The following TRHDE variants were observed in gnomAD, a reference collection of about 807,000 sequenced individuals.
TRHDE encodes the protein thyrotropin-releasing hormone-degrading ectoenzyme.
Under a neutral mutation model 125.7 loss-of-function variants are expected in TRHDE, and 72 were observed. That is an observed-to-expected ratio of 0.57 (90% CI 0.47 to 0.70). The LOEUF (loss-of-function observed/expected upper bound fraction) is 0.70, where lower values mean the gene tolerates loss of function less well. Ranked by LOEUF, TRHDE falls within the 30% of genes least tolerant of loss-of-function variation. The pLI, the probability that TRHDE is intolerant of heterozygous loss-of-function variation, is 0.00. For synonymous variants in TRHDE, 509 were observed against 509.1 expected, an observed-to-expected ratio of 1.00 and a Z score of 0.00; for missense variants, 1,110 against 1,327.1, an observed-to-expected ratio of 0.84 and a Z score of 2.54.
At chr12:72,617,198 A>G (rs1205553153) in intron 12 of TRHDE, among the ~76,000 whole-genome samples, 1 of 152,112 alleles carries the variant, frequency 6.6e-6, no homozygotes, top group East Asian at 1.9e-4. Context: ...AGATTTTTAA[A>G]TTATGTGAAA....
At chr12:72,355,705 A>G (rs574745377) in intron 2 of TRHDE, among the ~76,000 whole-genome samples, 3 of 151,984 alleles carry the variant, frequency 2.0e-5, no homozygotes, top group South Asian at 4.1e-4. Flanking sequence ...AAACAAATTT[A>G]CAAGAGAAAA....
rs1212657722 is a variant in TRHDE, at chr12:72,586,679, CG to C, written c.2321+11140del. 5.9e-5 allele frequency among the ~76,000 whole-genome samples: 9 copies of C among 151,692 alleles called. No homozygotes were observed. In the East Asian group the frequency reaches 1.7e-3, roughly 29 times the overall value. The stretch of plus-strand genomic sequence containing the variant: ...GAGTGCAGTTGATTCACGCCTCTAA[CG>C]GGAGGTAGCAGAGGTTTCCTGTTGC... On this transcript the variant is annotated intron_variant, in intron 12 of 18. Transcript: ENST00000261180.
At chr12:72,489,101 A>G (rs995912321) in intron 5 of TRHDE, among the ~76,000 whole-genome samples, 2 of 151,810 alleles carry the variant, frequency 1.3e-5, no homozygotes, top group African/African-American at 4.8e-5. Flanking sequence ...TTAGAAAAAG[A>G]AGACCATACA....
intron 6 of TRHDE, among the ~76,000 whole-genome samples, chr12:72,511,775 A>C (rs1333947353): frequency 6.6e-6 from 1 of 152,142 alleles, no homozygotes; most frequent in East Asian, 1.9e-4. Context: ...TAACACTTAA[A>C]ACAGCTAGTT....
At position 72,442,839 on chromosome 12, in the gene TRHDE, A is replaced by G. The variant is rs376291754; in HGVS notation, c.1316-26919A>G. Among the ~76,000 whole-genome samples the G allele has an allele frequency of 4.0e-5, 6 of 151,856 alleles. No individual in the cohort carries two copies. The South Asian group carries it at 1.2e-3, about 32-fold the overall frequency. Reference sequence around the variant, plus strand: ...TTGCTGCCTTCATATCAGTCATCCAATTTCACATCTTAACTATTTCTTAAT... The same window carrying G: ...TTGCTGCCTTCATATCAGTCATCCAGTTTCACATCTTAACTATTTCTTAAT... On this transcript the variant is annotated intron_variant, in intron 3 of 18. Coordinates refer to ENST00000261180, the MANE Select transcript of TRHDE (RefSeq NM_013381.3).
intron 3 of TRHDE, among the ~76,000 whole-genome samples, chr12:72,462,231 A>G (rs2135886699): frequency 6.6e-6 from 1 of 152,306 alleles, no homozygotes; most frequent in South Asian, 2.1e-4. Context: ...GGGGCAGGAA[A>G]CAGAAGTAAG....
intron 2 of TRHDE, among the ~76,000 whole-genome samples, chr12:72,173,783 G>GCA (rs1006562443): frequency 2.0e-5 from 3 of 151,914 alleles, no homozygotes; most frequent in Admixed American, 6.6e-5. Flanking sequence ...CTTGCTCTGC[G>GCA]CGCGCACACA....
intron 2 of TRHDE, among the ~76,000 whole-genome samples, chr12:72,373,150 C>T (rs1871692972): frequency 6.6e-6 from 1 of 152,126 alleles, no homozygotes; most frequent in African/African-American, 2.4e-5. Context: ...CTGTTTGAAG[C>T]AATTGTGAAT....
chr12:72,097,248 A>G (rs1374927130), intron 1 of TRHDE, among the ~76,000 whole-genome samples: 1 of 152,190 alleles, frequency 6.6e-6, no homozygotes, highest in African/African-American at 2.4e-5. Flanking sequence ...AAAACTAAGA[A>G]GCTCAGTCTT....
intron 2 of TRHDE, among the ~76,000 whole-genome samples, chr12:72,110,966 G>C (rs1566221546): frequency 6.6e-6 from 1 of 152,210 alleles, no homozygotes; most frequent in East Asian, 1.9e-4. Context: ...CTCTTTTCCT[G>C]TCACTCTCAG....
At chr12:72,279,177 A>G (rs946655456) in intron 1 of TRHDE, among the ~76,000 whole-genome samples, 1 of 152,202 alleles carries the variant, frequency 6.6e-6, no homozygotes, top group Admixed American at 6.5e-5. Context: ...AATGCAGGAC[A>G]TGTTTTAGGT....
chr12:72,281,022 T>C (rs1879677933), intron 1 of TRHDE, among the ~76,000 whole-genome samples: 1 of 152,198 alleles, frequency 6.6e-6, no homozygotes, highest in Admixed American at 6.5e-5. Context: ...GATGATCAAG[T>C]ACGCAGTACT....
At chr12:72,334,988 C>T (rs544777476) in intron 2 of TRHDE, among the ~76,000 whole-genome samples, 1 of 152,232 alleles carries the variant, frequency 6.6e-6, no homozygotes, top group African/African-American at 2.4e-5. Context: ...CAGAATGATC[C>T]CTTTAAAGGA....
intron 2 of TRHDE, among the ~76,000 whole-genome samples, chr12:72,195,267 CA>C (rs1877418842): frequency 6.6e-6 from 1 of 152,080 alleles, no homozygotes; most frequent in Admixed American, 6.6e-5. Flanking sequence ...GGGACACAAC[CA>C]AACCACATCA....
At chr12:72,422,862 T>G (rs1874018059) in intron 3 of TRHDE, among the ~76,000 whole-genome samples, 1 of 152,138 alleles carries the variant, frequency 6.6e-6, no homozygotes, top group Non-Finnish European at 1.5e-5. Context: ...GGGAGTGGCT[T>G]CTCATCTTTG....
intron 6 of TRHDE, among the ~76,000 whole-genome samples, chr12:72,534,457 A>G (rs968717928): frequency 2.6e-5 from 4 of 152,100 alleles, no homozygotes; most frequent in Non-Finnish European, 4.4e-5. Context: ...CCCAGTTTGA[A>G]TGCCATTGCC....
chr12:72,163,020 C>A (rs76972677), intron 2 of TRHDE: 1 of 150,866 alleles, frequency 6.6e-6, no homozygotes, highest in Non-Finnish European at 1.5e-5. Context: ...CAACTGTTCT[C>A]GAAAAAGCTG....
intron 12 of TRHDE, among the ~76,000 whole-genome samples, chr12:72,594,275 C>A (rs950752876): frequency 3.3e-5 from 5 of 152,020 alleles, no homozygotes; most frequent in Non-Finnish European, 7.4e-5. Flanking sequence ...TGATGATGAG[C>A]ATTTTTTCAT....
At chr12:72,574,973 T>C (rs1870922071) in intron 10 of TRHDE, among the ~76,000 whole-genome samples, 2 of 152,128 alleles carry the variant, frequency 1.3e-5, no homozygotes, top group African/African-American at 4.8e-5. Context: ...TAGGTTACAG[T>C]TACTTTGAGA....
Sources: allele counts gnomAD v4.1 joint callset (sites outside exome capture counted in the v4.1 genomes callset), GRCh38; gene constraint gnomAD v4.1.1; transcripts MANE v1.5; gene names NCBI Gene and HGNC (gene_info 2026-07-23, HGNC 2026-07-21).